LPAR1: variants seen among roughly 807,000 people sequenced by gnomAD.
LPAR1 encodes the protein lysophosphatidic acid receptor 1, also known as LPA receptor 1.
A neutral mutation model predicts 23.8 loss-of-function variants in LPAR1; 5 were observed. The observed-to-expected ratio is 0.21, with a 90% confidence interval of 0.11 to 0.44. The LOEUF is 0.44. Ranked by LOEUF, LPAR1 falls within the 20% of genes least tolerant of loss-of-function variation. LPAR1 has a pLI of 0.99. For missense variants in LPAR1, 311 were observed against 482.8 expected (o/e 0.64, Z 3.33); for synonymous variants, 160 against 164.7 (o/e 0.97, Z 0.22).
rs972325285 is a variant in LPAR1 at position 110,964,290 on chromosome 9, A to T, written c.45+7783T>A. On this transcript the variant is annotated intron_variant, in intron 4 of 5. Transcript: ENST00000683809. ...GTAAACTGATCTAATCAATGTTTTTAAAAAATAAAAATAAATAACCCACCA... is the reference window on the plus strand; with the variant it reads ...GTAAACTGATCTAATCAATGTTTTTTAAAAATAAAAATAAATAACCCACCA... Among the ~76,000 whole-genome samples, 592 of 145,818 alleles carry T rather than the reference A, an allele frequency of 4.1e-3. 3 individuals carry two copies. The highest frequency in any genetic ancestry group is 0.013 in the African/African-American group (539 of 40,962).
chr9:110,911,519 G>A (rs2092430904), intron 5 of LPAR1, among the ~76,000 whole-genome samples: 1 of 151,990 alleles, frequency 6.6e-6, no homozygotes, highest in South Asian at 2.1e-4. Context: ...TCCAGCCTGG[G>A]TGACAGAGGA....
chr9:110,943,450 C>T (rs974173199), intron 4 of LPAR1, among the ~76,000 whole-genome samples: 2 of 152,098 alleles, frequency 1.3e-5, no homozygotes, highest in Non-Finnish European at 2.9e-5. Context: ...TTCTGACTTA[C>T]CCAGGCATCT....
intron 2 of LPAR1, among the ~76,000 whole-genome samples, chr9:110,979,846 C>T (rs2096632318): frequency 6.6e-6 from 1 of 151,964 alleles, no homozygotes; most frequent in Non-Finnish European, 1.5e-5. Flanking sequence ...GAATTCCTGG[C>T]ATAATTGTGA....
At chr9:111,028,365 G>A (rs1443289116) in intron 2 of LPAR1, among the ~76,000 whole-genome samples, 1 of 152,256 alleles carries the variant, frequency 6.6e-6, no homozygotes, top group Middle Eastern at 3.4e-3. Flanking sequence ...TTTCCAGCAT[G>A]AGCCACCATG....
At chr9:110,964,679 A>C (rs79902567) in intron 4 of LPAR1, among the ~76,000 whole-genome samples, 10 of 151,926 alleles carry the variant, frequency 6.6e-5, no homozygotes, top group East Asian at 1.9e-4. Context: ...CTCAAAAAAA[A>C]AACCCATTTA....
At chr9:110,970,759 A>C (rs1394197357) in intron 4 of LPAR1, among the ~76,000 whole-genome samples, 1 of 152,228 alleles carries the variant, frequency 6.6e-6, no homozygotes, top group Non-Finnish European at 1.5e-5. Context: ...ATCATACTGA[A>C]AAAAACAGTG....
chr9:110,924,238 C>CAAAA (rs10695949), intron 5 of LPAR1, among the ~76,000 whole-genome samples: 3,550 of 143,988 alleles, frequency 0.025, 136 homozygotes, highest in African/African-American at 0.085. Flanking sequence ...ATTATAATAG[C>CAAAA]AAAAAAAAAA....
chr9:110,990,272 C>T (rs1160168956), intron 2 of LPAR1, among the ~76,000 whole-genome samples: 7 of 151,872 alleles, frequency 4.6e-5, no homozygotes, highest in Non-Finnish European at 7.4e-5. Flanking sequence ...TTTGAAAAGA[C>T]TCAACCCAAC....
At chr9:110,973,366 G>C (rs550291638) in intron 3 of LPAR1, 115 bp downstream of exon 3, 1 of 152,312 alleles carries the variant, frequency 6.6e-6, no homozygotes, top group African/African-American at 2.4e-5. Context: ...CAGGACTACA[G>C]CAGCAACTCC....
At chr9:110,959,973 G>C (rs1055978491) in intron 4 of LPAR1, among the ~76,000 whole-genome samples, 1 of 152,164 alleles carries the variant, frequency 6.6e-6, no homozygotes. Context: ...ATAGTGAATA[G>C]AATGGTGGTT....
chr9:110,946,665 A>G (rs1386370073), intron 4 of LPAR1, among the ~76,000 whole-genome samples: 2 of 151,764 alleles, frequency 1.3e-5, no homozygotes, highest in African/African-American at 4.9e-5. Context: ...CTCTTGAGAA[A>G]AGAAAAAAAT....
In LPAR1 at chr9:111,033,007, C is replaced by T. The variant is rs995987113; in HGVS notation, c.-182+3115G>A. 6.6e-5 allele frequency among the ~76,000 whole-genome samples: 10 copies of T among 152,290 alleles called. No individual in the cohort carries two copies. In the East Asian group the frequency reaches 1.3e-3, roughly 21 times the overall value. On this transcript the variant is annotated intron_variant, in intron 2 of 5. Coordinates refer to ENST00000683809, the MANE Select transcript of LPAR1 (RefSeq NM_001351411.2). ...CCCTGCCTCATGCAGGCTTATTGCA[C>T]GTTTGTTTTAGCACTGGACTAAAGT...
At chr9:110,897,686 C>T (rs2086924643) in intron 5 of LPAR1, among the ~76,000 whole-genome samples, 1 of 152,068 alleles carries the variant, frequency 6.6e-6, no homozygotes, top group African/African-American at 2.4e-5. Context: ...ATCACTCTGT[C>T]TTTGAAGATA....
intron 2 of LPAR1, among the ~76,000 whole-genome samples, chr9:111,022,700 T>C (rs1237743308): frequency 1.3e-5 from 2 of 152,138 alleles, no homozygotes; most frequent in Non-Finnish European, 2.9e-5. Flanking sequence ...CAAATCTATT[T>C]CTCCTGCATA....
chr9:110,992,100 T>C (rs893049902), intron 2 of LPAR1, among the ~76,000 whole-genome samples: 3 of 151,912 alleles, frequency 2.0e-5, no homozygotes, highest in African/African-American at 7.3e-5. Flanking sequence ...CATTGTTAAA[T>C]AAATTAAATG....
chr9:111,019,392 T>C (rs1242123402), intron 2 of LPAR1, among the ~76,000 whole-genome samples: 8 of 152,106 alleles, frequency 5.3e-5, no homozygotes, highest in Admixed American at 1.3e-4. Flanking sequence ...TTTTAAATAC[T>C]TTAAGATGTG....
chr9:110,928,511 AC>A (rs1334077041), intron 5 of LPAR1, among the ~76,000 whole-genome samples: 12 of 152,122 alleles, frequency 7.9e-5, no homozygotes, highest in African/African-American at 2.9e-4. Flanking sequence ...TTTAATTAAA[AC>A]ATCTTCACTT....
chr9:110,928,598 A>G (rs758744570), intron 5 of LPAR1, among the ~76,000 whole-genome samples: 1 of 152,212 alleles, frequency 6.6e-6, no homozygotes, highest in South Asian at 2.1e-4. Context: ...CGTTTTATAC[A>G]CACGCACACA....
chr9:110,969,193 T>G (rs2096324679), intron 4 of LPAR1, among the ~76,000 whole-genome samples: 1 of 152,126 alleles, frequency 6.6e-6, no homozygotes, highest in South Asian at 2.1e-4. Context: ...CAAAACCCAA[T>G]TTTTGTCCTC....
Sources: allele counts gnomAD v4.1 joint callset (sites outside exome capture counted in the v4.1 genomes callset), GRCh38; gene constraint gnomAD v4.1.1; transcripts MANE v1.5; gene names NCBI Gene and HGNC (gene_info 2026-07-23, HGNC 2026-07-21).